SRGAP3: variants seen among roughly 807,000 people sequenced by gnomAD.
SRGAP3 encodes the protein SLIT-ROBO Rho GTPase-activating protein 3.
In SRGAP3, 39 loss-of-function variants were observed where a neutral mutation model predicts 121.1. The observed-to-expected ratio is 0.32, with a 90% CI of 0.25 to 0.42. The LOEUF (loss-of-function observed/expected upper bound fraction) is 0.42, where lower values mean the gene tolerates loss of function less well. Ranked by LOEUF, SRGAP3 falls within the 10% of genes least tolerant of loss-of-function variation. The pLI is 1.00. For synonymous variants in SRGAP3, 601 were observed against 570.0 expected (o/e 1.05, Z -0.77); for missense variants, 1,213 against 1,470.6 (o/e 0.82, Z 2.86).
At position 8,992,952 on chromosome 3, in the gene SRGAP3, G is replaced by A; in HGVS notation, c.2512C>T (p.Pro838Ser). The change falls in exon 20 of 22, where the codon CCC becomes TCC. Residue 838 changes from proline (P) to serine (S), a missense_variant. Physicochemically the swap from Pro to Ser is moderately conservative, Grantham distance 74. This residue lies in a region of SRGAP3 where 420 missense variants were observed against 437.7 expected (regional missense o/e 0.96). Transcript: ENST00000383836. Reference sequence around the variant, plus strand: ...CCGTAATCCGAGATGTGCTCCGTGGGGGACTGGAGGTCGTTTTTGGAAGAG... The same window carrying A: ...CCGTAATCCGAGATGTGCTCCGTGGAGGACTGGAGGTCGTTTTTGGAAGAG... ...KASSKNDLQS[P>S]TEHISDYGFG... 1 of 1,614,222 alleles carries A rather than the reference G, an allele frequency of 6.2e-7. No homozygotes were observed. The highest frequency in any genetic ancestry group is 8.5e-7 in the Non-Finnish European group (1 of 1,180,050).
At chr3:9,069,727 T>C (rs781691148) in intron 4 of SRGAP3, among the ~76,000 whole-genome samples, 4 of 152,112 alleles carry the variant, frequency 2.6e-5, no homozygotes, top group Non-Finnish European at 2.9e-5. Flanking sequence ...GGCGGGCAGA[T>C]CACAAGATCA....
intron 3 of SRGAP3, among the ~76,000 whole-genome samples, chr3:9,269,535 A>C (rs540744969): frequency 1.3e-5 from 2 of 152,314 alleles, no homozygotes; most frequent in African/African-American, 4.8e-5. Context: ...GCCTGGACAA[A>C]GTTCTTATTC....
intron 3 of SRGAP3, among the ~76,000 whole-genome samples, chr3:9,088,833 C>T (rs958053895): frequency 3.9e-5 from 6 of 152,088 alleles, no homozygotes; most frequent in Admixed American, 2.6e-4. Context: ...CCAGCAATGC[C>T]GAGCCCCTGT....
At chr3:9,258,893 G>C (rs1475638995) in intron 3 of SRGAP3, among the ~76,000 whole-genome samples, 3 of 152,166 alleles carry the variant, frequency 2.0e-5, no homozygotes, top group Non-Finnish European at 4.4e-5. Context: ...ACCCGAGTGA[G>C]CTTTTCACGT....
chr3:9,308,858 C>A (rs1955198733), intron 3 of SRGAP3, among the ~76,000 whole-genome samples: 1 of 152,132 alleles, frequency 6.6e-6, no homozygotes, highest in African/African-American at 2.4e-5. Context: ...CACAGCCCAT[C>A]GATCATGTAC....
intron 1 of SRGAP3, among the ~76,000 whole-genome samples, chr3:9,234,988 G>A (rs2125226974): frequency 6.6e-6 from 1 of 152,282 alleles, no homozygotes; most frequent in East Asian, 1.9e-4. Context: ...GCTGAAAGTG[G>A]CTGGGACAAA....
chr3:9,094,294 T>G (rs1324266472), intron 3 of SRGAP3, among the ~76,000 whole-genome samples: 2 of 152,148 alleles, frequency 1.3e-5, no homozygotes, highest in Non-Finnish European at 2.9e-5. Context: ...ACATTGATAC[T>G]TGTAGATCTA....
At chr3:9,231,671 T>C (rs963007586) in intron 1 of SRGAP3, among the ~76,000 whole-genome samples, 8 of 152,182 alleles carry the variant, frequency 5.3e-5, no homozygotes. Flanking sequence ...ACAAGGCTTC[T>C]GCACTCAATG....
At chr3:9,047,597 C>T (rs1002573509) in intron 9 of SRGAP3, 122 bp from the exon 10 acceptor site, 27 of 911,538 alleles carry the variant, frequency 3.0e-5, no homozygotes, top group African/African-American at 4.9e-5. Context: ...GCAGGGACCC[C>T]GGCGCAGGGA....
intron 16 of SRGAP3, 32 bp from the exon 17 acceptor site, chr3:9,013,567 G>T (rs1340766113): frequency 6.2e-7 from 1 of 1,610,186 alleles, no homozygotes; most frequent in South Asian, 1.1e-5. Context: ...CAAGTCATCT[G>T]GGAAAGGCAA....
intron 3 of SRGAP3, among the ~76,000 whole-genome samples, chr3:9,310,925 T>C (rs753619548): frequency 5.9e-5 from 9 of 152,080 alleles, no homozygotes; most frequent in Non-Finnish European, 1.2e-4. Flanking sequence ...ATCCCAGCAC[T>C]TTGGGAGGCT....
chr3:9,200,651 T>G (rs1016133337), intron 1 of SRGAP3, among the ~76,000 whole-genome samples: 2 of 152,170 alleles, frequency 1.3e-5, no homozygotes, highest in Non-Finnish European at 2.9e-5. Context: ...AAGGAGTGTG[T>G]GCCTCCCTGG....
At chr3:9,270,536 A>G (rs989411165) in intron 3 of SRGAP3, among the ~76,000 whole-genome samples, 6 of 152,204 alleles carry the variant, frequency 3.9e-5, no homozygotes, top group African/African-American at 1.2e-4. Flanking sequence ...TTGTGCATTT[A>G]ATATCCCTGT....
At chr3:9,194,649 C>G (rs1951865387) in intron 1 of SRGAP3, among the ~76,000 whole-genome samples, 1 of 152,202 alleles carries the variant, frequency 6.6e-6, no homozygotes. Flanking sequence ...GGTGAGAAAA[C>G]AGAGATGTAA....
intron 1 of SRGAP3, among the ~76,000 whole-genome samples, chr3:9,245,079 G>T (rs769531409): frequency 6.6e-6 from 1 of 152,224 alleles, no homozygotes; most frequent in Non-Finnish European, 1.5e-5. Flanking sequence ...TGCCACTCTT[G>T]AAATAGGATA....
intron 3 of SRGAP3, among the ~76,000 whole-genome samples, chr3:9,089,890 C>T (rs141178969): frequency 5.6e-4 from 85 of 152,218 alleles, no homozygotes; most frequent in Non-Finnish European, 8.4e-4. Context: ...TTTCTCATAA[C>T]CACACTCTCA....
At chr3:9,270,478 C>A (rs571370349) in intron 3 of SRGAP3, among the ~76,000 whole-genome samples, 2 of 152,178 alleles carry the variant, frequency 1.3e-5, no homozygotes, top group Non-Finnish European at 2.9e-5. Flanking sequence ...TTTACCTTGA[C>A]TGGGGTGGTA....
chr3:9,028,529 A>G (rs949570907), intron 12 of SRGAP3, among the ~76,000 whole-genome samples: 5 of 152,164 alleles, frequency 3.3e-5, no homozygotes, highest in Admixed American at 6.5e-5. Context: ...CTACGACCCC[A>G]TAAGTTATTC....
At chr3:9,254,889 GAAA>G (rs1185042450) in intron 3 of SRGAP3, among the ~76,000 whole-genome samples, 1 of 139,916 alleles carries the variant, frequency 7.1e-6, no homozygotes, top group Non-Finnish European at 1.5e-5. Flanking sequence ...GAGAGAGAAA[GAAA>G]AGAAAGGAAG....
Sources: gnomAD v4.1 joint callset for allele counts (sites outside exome capture counted in the v4.1 genomes callset) on GRCh38, gnomAD v4.1.1 for gene constraint, gnomAD v4.1.1 regional missense constraint, MANE v1.5 for transcripts, NCBI Gene and HGNC (gene_info 2026-07-23, HGNC 2026-07-21) for gene names.